Variants in FBXW4 observed in about 807,000 individuals in gnomAD.
FBXW4 encodes F-box and WD repeat domain containing 4, also known as F-box/WD repeat-containing protein 4.
A neutral mutation model predicts 61.8 loss-of-function variants in FBXW4; 40 were observed. That is an observed-to-expected ratio of 0.65 (90% CI 0.50 to 0.84). The LOEUF (loss-of-function observed/expected upper bound fraction) is 0.84, where lower values mean the gene tolerates loss of function less well. Among genes scored for constraint, FBXW4 ranks in the 40% least tolerant of loss-of-function variants. FBXW4 has a pLI of 0.00. For synonymous variants in FBXW4, 311 were observed against 313.8 expected, an observed-to-expected ratio of 0.99 and a Z score of 0.10; for missense variants, 672 against 753.8, an observed-to-expected ratio of 0.89 and a Z score of 1.27.
chr10:101,657,296 A>G (rs1437158118), intron 5 of FBXW4, among the ~76,000 whole-genome samples: 2 of 152,184 alleles, frequency 1.3e-5, no homozygotes, highest in Non-Finnish European at 2.9e-5. Context: ...ACACAAGCAC[A>G]TAACTCTTAC....
chr10:101,619,269 T>A (rs992367364), intron 6 of FBXW4, among the ~76,000 whole-genome samples: 10 of 152,186 alleles, frequency 6.6e-5, no homozygotes, highest in African/African-American at 2.4e-4. Context: ...AGAAATATTC[T>A]GGCACTTTGA....
intron 5 of FBXW4, among the ~76,000 whole-genome samples, chr10:101,658,463 T>G (rs2064211890): frequency 6.6e-6 from 1 of 152,140 alleles, no homozygotes; most frequent in Admixed American, 6.5e-5. Flanking sequence ...GACAATTGCT[T>G]GAACCCAGGA....
intron 5 of FBXW4, among the ~76,000 whole-genome samples, chr10:101,662,945 T>C (rs1394914228): frequency 6.6e-6 from 1 of 152,186 alleles, no homozygotes; most frequent in East Asian, 1.9e-4. Flanking sequence ...GTCTCAACTC[T>C]GGCCTTCAGG....
chr10:101,624,395 C>A (rs561433647), intron 6 of FBXW4, among the ~76,000 whole-genome samples: 40 of 152,098 alleles, frequency 2.6e-4, no homozygotes, highest in Non-Finnish European at 5.4e-4. Context: ...TTTTATAGGT[C>A]CGTAGGCCAC....
At chr10:101,629,726 C>T (rs915584200) in intron 5 of FBXW4, among the ~76,000 whole-genome samples, 6 of 151,782 alleles carry the variant, frequency 4.0e-5, no homozygotes, top group Non-Finnish European at 7.4e-5. Flanking sequence ...TACCACCCCT[C>T]GCCCAGAAGT....
Position 101,695,119 on chromosome 10 carries a change from GCCGGCCCGACGCGGAGC to G in FBXW4, c.-31_-15del, listed in dbSNP as rs2064663185. ...CTGGCTGCCCATGAGCGGCCGCGGGGCCGGCCCGACGCGGAGCCCAGCCCGAGCCGCCACCGCCGCCG... is the reference window on the plus strand; with the variant it reads ...CTGGCTGCCCATGAGCGGCCGCGGGGCCAGCCCGAGCCGCCACCGCCGCCG... On this transcript the variant is annotated 5_prime_UTR_variant, in exon 1 of 9. Transcript: ENST00000331272. This position sits in a 1 kb window ranked among gnomAD's most constrained non-coding sequence, Gnocchi z 4.2. 1 of 985,144 alleles carries G rather than the reference GCCGGCCCGACGCGGAGC, an allele frequency of 1.0e-6. No individual in the cohort carries two copies. The highest frequency in any genetic ancestry group is 1.2e-6 in the Non-Finnish European group (1 of 830,126). 61.0% of individuals were successfully genotyped at this position (985,144 alleles called of 1,614,324 possible). A position where few individuals can be genotyped will look rare whatever the true frequency, so the allele number is the denominator to read the frequency against.
intron 4 of FBXW4, 146 bp from the exon 5 acceptor site, chr10:101,668,126 G>T (rs1176616762): frequency 4.8e-6 from 3 of 628,416 alleles, no homozygotes; most frequent in African/African-American, 3.6e-5. Flanking sequence ...TCAGCAGAGG[G>T]GCCCCTGCAG....
At chr10:101,640,309 G>T (rs11191072) in intron 5 of FBXW4, among the ~76,000 whole-genome samples, 38,462 of 151,932 alleles carry the variant, frequency 0.25, 5,165 homozygotes, top group Non-Finnish European at 0.29. Flanking sequence ...AGGGATGGGA[G>T]TCTAGTCTTC....
intron 1 of FBXW4, among the ~76,000 whole-genome samples, chr10:101,682,849 A>G (rs2064492266): frequency 6.6e-6 from 1 of 152,188 alleles, no homozygotes; most frequent in African/African-American, 2.4e-5. Context: ...AAAAAAAAAA[A>G]AAGTTCAATT....
rs990610804 is a variant in FBXW4 at position 101,622,561 on chromosome 10, A to C, written c.1301+2184T>G. Among the ~76,000 whole-genome samples the C allele has an allele frequency of 4.6e-5, 7 of 152,106 alleles. No homozygotes were observed. The South Asian group carries it at 8.3e-4, about 18-fold the overall frequency. ...GCTAACACAGTGAAATCCTGTCTCT[A>C]CTAAAAGATACAAAAAATTAGCCAG... On this transcript the variant is annotated intron_variant, in intron 6 of 8. Coordinates refer to ENST00000331272, the MANE Select transcript of FBXW4 (RefSeq NM_022039.4).
intron 3 of FBXW4, 80 bp from the exon 4 acceptor site, chr10:101,673,127 CAA>C: frequency 6.5e-7 from 1 of 1,535,354 alleles, no homozygotes; most frequent in Non-Finnish European, 8.7e-7. Context: ...AGAAACAGCC[CAA>C]GTCTCCAGTG....
rs1195728896 is a variant in FBXW4 at position 101,694,555 on chromosome 10, C to T, written c.551G>A (p.Trp184Ter). 2 of 1,488,790 alleles carry T rather than the reference C, an allele frequency of 1.3e-6. No homozygotes were observed. Among genetic ancestry groups the T allele is most frequent in the Non-Finnish European group, 1.8e-6 (2 of 1,127,720 alleles). 92.2% of individuals were successfully genotyped at this position (1,488,790 alleles called of 1,614,324 possible). Residue 184 changes from tryptophan to a stop codon, truncating the protein, a stop_gained, in exon 1 of 9, where the codon TGG becomes TAG. Transcript: ENST00000331272. LOFTEE classifies it high-confidence loss of function. This position sits in a 1 kb window ranked among gnomAD's most constrained non-coding sequence, Gnocchi z 6.0. ...CAGCAGCAGCTCCTCCGGCAGGCGCCAGAGCGCAGGCCCCGCGGCCGGGCG... is the reference window on the plus strand; with the variant it reads ...CAGCAGCAGCTCCTCCGGCAGGCGCTAGAGCGCAGGCCCCGCGGCCGGGCG... ...AARPAAGPAL[W>*]RLPEELLLLI... is the part of the protein sequence containing the mutation.
intron 6 of FBXW4, among the ~76,000 whole-genome samples, chr10:101,620,907 A>G (rs748433815): frequency 3.9e-5 from 6 of 152,184 alleles, no homozygotes; most frequent in African/African-American, 7.2e-5. Flanking sequence ...TTAGAACTCC[A>G]TCCTGACCAT....
intron 5 of FBXW4, among the ~76,000 whole-genome samples, chr10:101,655,581 C>T (rs928927783): frequency 1.3e-5 from 2 of 152,206 alleles, no homozygotes; most frequent in African/African-American, 4.8e-5. Context: ...TACCATAGGA[C>T]CCCACCCTAA....
At chr10:101,624,658 A>C in intron 6 of FBXW4, 87 bp downstream of exon 6, 4 of 1,435,362 alleles carry the variant, frequency 2.8e-6, no homozygotes, top group Non-Finnish European at 3.9e-6. Flanking sequence ...CTCCTGGACC[A>C]CTCAGCCAAC....
chr10:101,662,993 T>C (rs984713452), intron 5 of FBXW4, among the ~76,000 whole-genome samples: 11 of 152,286 alleles, frequency 7.2e-5, no homozygotes, highest in Admixed American at 5.2e-4. Flanking sequence ...GAGCCTTTTA[T>C]GGGCCACAGC....
chr10:101,666,546 C>T (rs2064302267), intron 5 of FBXW4, among the ~76,000 whole-genome samples: 1 of 152,124 alleles, frequency 6.6e-6, no homozygotes, highest in South Asian at 2.1e-4. Flanking sequence ...ATAAAATAAG[C>T]AACTGACTTA....
At chr10:101,692,642 CTA>C (rs2064620146) in intron 1 of FBXW4, among the ~76,000 whole-genome samples, 2 of 149,366 alleles carry the variant, frequency 1.3e-5, no homozygotes, top group African/African-American at 4.9e-5. Flanking sequence ...GTAATCCCAG[CTA>C]CGCAAGAGGC....
intron 5 of FBXW4, among the ~76,000 whole-genome samples, chr10:101,667,155 T>C (rs1414499472): frequency 6.8e-6 from 1 of 147,450 alleles, no homozygotes; most frequent in Non-Finnish European, 1.5e-5. Context: ...GGTGTGAACC[T>C]GGGAGGCAGA....
Sources: allele counts gnomAD v4.1 joint callset (sites outside exome capture counted in the v4.1 genomes callset), GRCh38; gene constraint gnomAD v4.1.1; non-coding constraint Gnocchi (gnomAD v3.1); transcripts MANE v1.5; gene names NCBI Gene and HGNC (gene_info 2026-07-23, HGNC 2026-07-21).